Variants in UBE2F observed in about 807,000 individuals in gnomAD.
UBE2F encodes the protein NEDD8-conjugating enzyme UBE2F.
UBE2F carries 5 observed loss-of-function variants against 29.6 expected under a neutral mutation model. The ratio of observed to expected loss-of-function variants is 0.17; its 90% CI spans 0.09 to 0.36. UBE2F has a LOEUF of 0.36. Among genes scored for constraint, UBE2F ranks in the 10% least tolerant of loss-of-function variants. The probability of loss-of-function intolerance (pLI) is 1.00; values close to 1 mark genes in which losing one functional copy is unlikely to be tolerated. For missense variants in UBE2F, 141 were observed against 228.5 expected, an observed-to-expected ratio of 0.62 and a Z score of 2.47; for synonymous variants, 66 against 81.8, an observed-to-expected ratio of 0.81 and a Z score of 1.04.
chr2:237,968,651 T>C (rs1418491600), intron 1 of UBE2F: 1 of 154,640 alleles, frequency 6.5e-6, no homozygotes, highest in Non-Finnish European at 1.4e-5. Context: ...TAAATATCAC[T>C]TGATGGCACT....
intron 2 of UBE2F, among the ~76,000 whole-genome samples, chr2:237,984,026 C>A (rs1308032038): frequency 6.6e-6 from 1 of 151,140 alleles, no homozygotes; most frequent in Non-Finnish European, 1.5e-5. Context: ...TCCTCTTCTT[C>A]CCCCTCCCCT....
At chr2:237,981,133 A>G (rs1317553516) in intron 2 of UBE2F, among the ~76,000 whole-genome samples, 1 of 152,322 alleles carries the variant, frequency 6.6e-6, no homozygotes, top group East Asian at 1.9e-4. Context: ...GAGCAGTTTT[A>G]AAAGTATCTT....
At chr2:237,972,089 C>T (rs1053044427) in intron 1 of UBE2F, among the ~76,000 whole-genome samples, 2 of 152,136 alleles carry the variant, frequency 1.3e-5, no homozygotes, top group Non-Finnish European at 2.9e-5. Flanking sequence ...GTGGAAGCCA[C>T]CAATGAACAT....
intron 4 of UBE2F, among the ~76,000 whole-genome samples, chr2:238,007,895 G>C (rs2063940566): frequency 6.6e-6 from 1 of 152,084 alleles, no homozygotes; most frequent in South Asian, 2.1e-4. Flanking sequence ...TCTGGTCTTT[G>C]AATGCATTTG....
intron 3 of UBE2F, among the ~76,000 whole-genome samples, chr2:237,994,110 T>TTCTTCTTC (rs1491177929): frequency 7.7e-5 from 1 of 12,912 alleles, no homozygotes; most frequent in Non-Finnish European, 3.8e-4. Flanking sequence ...CTTCTTCTTC[T>TTCTTCTTC]TTTTTTTTTT....
intron 2 of UBE2F, among the ~76,000 whole-genome samples, chr2:237,981,324 A>C (rs1307136543): frequency 6.6e-6 from 1 of 152,016 alleles, no homozygotes; most frequent in Non-Finnish European, 1.5e-5. Context: ...GTGCAGCAAA[A>C]CTTCTTACCA....
chr2:238,034,468 C>T, intron 8 of UBE2F, among the ~76,000 whole-genome samples: 1 of 152,146 alleles, frequency 6.6e-6, no homozygotes, highest in Non-Finnish European at 1.5e-5. Flanking sequence ...GCTACAGCCA[C>T]ACTAGCTCCC....
At chr2:238,033,579 C>T (rs1176021938) in intron 8 of UBE2F, among the ~76,000 whole-genome samples, 3 of 152,158 alleles carry the variant, frequency 2.0e-5, no homozygotes, top group Non-Finnish European at 4.4e-5. Flanking sequence ...TCTGCTCTTA[C>T]TTGTCCTGTC....
At chr2:238,027,558 C>T in intron 6 of UBE2F, among the ~76,000 whole-genome samples, 1 of 152,258 alleles carries the variant, frequency 6.6e-6, no homozygotes, top group Middle Eastern at 3.4e-3. Context: ...ATTTGCACAC[C>T]TTTCATTGGT....
At chr2:237,970,717 A>AT (rs924300964) in intron 1 of UBE2F, among the ~76,000 whole-genome samples, 6 of 152,112 alleles carry the variant, frequency 3.9e-5, no homozygotes, top group African/African-American at 1.2e-4. Context: ...AATTCTTTAA[A>AT]TTTTTTTATC....
intron 4 of UBE2F, among the ~76,000 whole-genome samples, chr2:237,995,773 A>G (rs72975102): frequency 0.096 from 14,575 of 152,198 alleles, 953 homozygotes; most frequent in African/African-American, 0.19. Context: ...AATATGCTTG[A>G]AACCTTAAAA....
chr2:237,967,258 G>A lies in UBE2F; in HGVS notation c.-17+126G>A. On this transcript the variant is annotated intron_variant, in intron 1 of 9. Coordinates refer to ENST00000272930, the MANE Select transcript of UBE2F (RefSeq NM_080678.3). The surrounding 1 kb of genome is among the most constrained non-coding windows in gnomAD (Gnocchi z 6.3). ...GCCTCGGGCCCGCCGGGTTCCTCAC[G>A]CCGGGGGCCTGGCGGGCGCGGGCAC... 1.7e-6 allele frequency: 1 copy of A among 591,440 alleles called. No individual in the cohort carries two copies. The highest frequency in any genetic ancestry group is 7.0e-5 in the South Asian group (1 of 14,294). 36.6% of individuals were successfully genotyped at this position (591,440 alleles called of 1,614,324 possible). A position where few individuals can be genotyped will look rare whatever the true frequency, so the allele number is the denominator to read the frequency against.
At chr2:237,998,934 C>G (rs1240341675) in intron 4 of UBE2F, among the ~76,000 whole-genome samples, 1 of 151,876 alleles carries the variant, frequency 6.6e-6, no homozygotes, top group African/African-American at 2.4e-5. Context: ...AGTCTTTTGC[C>G]CTAAAAAAAC....
At chr2:238,031,313 T>C (rs2064571490) in intron 7 of UBE2F, among the ~76,000 whole-genome samples, 1 of 152,206 alleles carries the variant, frequency 6.6e-6, no homozygotes, top group Non-Finnish European at 1.5e-5. Context: ...CCCCTGGGGC[T>C]CAGATGGCTG....
At chr2:237,970,552 G>A (rs2063154635) in intron 1 of UBE2F, among the ~76,000 whole-genome samples, 1 of 152,136 alleles carries the variant, frequency 6.6e-6, no homozygotes, top group Admixed American at 6.5e-5. Flanking sequence ...TTGCAATTCT[G>A]AGAGCTTATG....
At chr2:238,002,052 G>C (rs1468312808) in intron 4 of UBE2F, among the ~76,000 whole-genome samples, 1 of 143,994 alleles carries the variant, frequency 6.9e-6, no homozygotes, top group Admixed American at 7.5e-5. Context: ...GTGTAATAAA[G>C]GAATATCCCA....
intron 6 of UBE2F, chr2:238,029,104 C>T (rs1384010030): frequency 1.3e-5 from 2 of 152,018 alleles, no homozygotes; most frequent in African/African-American, 4.8e-5. Flanking sequence ...TGTGCCTTTA[C>T]AGCTGATAGA....
intron 5 of UBE2F, among the ~76,000 whole-genome samples, chr2:238,024,073 T>C (rs560805324): frequency 6.6e-6 from 1 of 152,246 alleles, no homozygotes; most frequent in South Asian, 2.1e-4. Context: ...CTAAAACATA[T>C]GTAGCACAGC....
intron 6 of UBE2F, among the ~76,000 whole-genome samples, chr2:238,028,738 A>G (rs191476903): frequency 1.9e-4 from 29 of 152,318 alleles, no homozygotes; most frequent in Admixed American, 1.4e-3. Flanking sequence ...CAAACTCTAC[A>G]TATTTTTCTC....
Sources: allele counts gnomAD v4.1 joint callset (sites outside exome capture counted in the v4.1 genomes callset), GRCh38; gene constraint gnomAD v4.1.1; non-coding constraint Gnocchi (gnomAD v3.1); transcripts MANE v1.5; gene names NCBI Gene and HGNC (gene_info 2026-07-23, HGNC 2026-07-21).